The following PAM variants were observed in gnomAD, a reference collection of about 807,000 sequenced individuals.
PAM encodes peptidylglycine alpha-amidating monooxygenase, also known as peptidyl-glycine alpha-amidating monooxygenase.
In PAM, 72 loss-of-function variants were observed where a neutral mutation model predicts 122.1. The ratio of observed to expected loss-of-function variants is 0.59; its 90% CI spans 0.49 to 0.72. The LOEUF (loss-of-function observed/expected upper bound fraction) is 0.72. Among genes scored for constraint, PAM ranks in the 30% least tolerant of loss-of-function variants. PAM has a pLI of 0.00. For missense variants in PAM, 1,106 were observed against 1,183.7 expected (o/e 0.93, Z 0.96); for synonymous variants, 389 against 404.4 (o/e 0.96, Z 0.46).
chr5:102,862,660 T>G (rs1784495636), intron 1 of PAM, among the ~76,000 whole-genome samples: 1 of 152,206 alleles, frequency 6.6e-6, no homozygotes. Context: ...CAATATATAT[T>G]TGTTGCAACA....
intron 3 of PAM, among the ~76,000 whole-genome samples, chr5:102,872,174 A>C (rs1238391751): frequency 6.6e-6 from 1 of 152,128 alleles, no homozygotes; most frequent in African/African-American, 2.4e-5. Flanking sequence ...TTTGTCTTTT[A>C]AAGGACTCTT....
At chr5:102,842,946 A>T (rs1303072409) in intron 1 of PAM, among the ~76,000 whole-genome samples, 1 of 152,202 alleles carries the variant, frequency 6.6e-6, no homozygotes, top group African/African-American at 2.4e-5. Context: ...CACCATCAGG[A>T]ACTATTCCAA....
At chr5:103,027,972 A>G (rs1785455428) in intron 24 of PAM, among the ~76,000 whole-genome samples, 1 of 152,202 alleles carries the variant, frequency 6.6e-6, no homozygotes, top group Non-Finnish European at 1.5e-5. Context: ...CTGCACAGCC[A>G]GTAAGAGACA....
chr5:102,909,285 G>A (rs76728332), intron 4 of PAM, among the ~76,000 whole-genome samples: 2,531 of 151,836 alleles, frequency 0.017, 80 homozygotes, highest in African/African-American at 0.057. Context: ...AGGTGATACA[G>A]CTAAACTCAC....
At chr5:102,836,619 T>C (rs1430076440) in intron 1 of PAM, among the ~76,000 whole-genome samples, 1 of 152,156 alleles carries the variant, frequency 6.6e-6, no homozygotes, top group East Asian at 1.9e-4. Flanking sequence ...CAGGAGTTTA[T>C]GGTTCTCTGT....
At chr5:102,993,898 C>T (rs568926441) in intron 16 of PAM, among the ~76,000 whole-genome samples, 1 of 152,082 alleles carries the variant, frequency 6.6e-6, no homozygotes, top group Admixed American at 6.6e-5. Context: ...TCTCATTGCA[C>T]GTTAAACCAG....
At chr5:102,787,136 A>G (rs1224562336) in intron 1 of PAM, among the ~76,000 whole-genome samples, 1 of 152,158 alleles carries the variant, frequency 6.6e-6, no homozygotes, top group Admixed American at 6.5e-5. Context: ...GAAATGCTTC[A>G]TCCTTAGCAT....
At chr5:102,814,208 T>A (rs1192064680) in intron 1 of PAM, among the ~76,000 whole-genome samples, 1 of 152,160 alleles carries the variant, frequency 6.6e-6, no homozygotes, top group Non-Finnish European at 1.5e-5. Context: ...TTTAGTAAAT[T>A]CAAACCTTCC....
At chr5:103,023,663 G>C (rs1469944092) in intron 23 of PAM, among the ~76,000 whole-genome samples, 1 of 151,994 alleles carries the variant, frequency 6.6e-6, no homozygotes, top group African/African-American at 2.4e-5. Context: ...AGTCACTTGA[G>C]TGGACAAAAG....
intron 1 of PAM, among the ~76,000 whole-genome samples, chr5:102,769,149 T>C (rs893982236): frequency 2.0e-5 from 3 of 152,204 alleles, no homozygotes; most frequent in Admixed American, 6.5e-5. Context: ...GTATGTCTTT[T>C]TTGAGAAATG....
chr5:102,977,905 G>A (rs1193807331), intron 15 of PAM, among the ~76,000 whole-genome samples: 2 of 152,086 alleles, frequency 1.3e-5, no homozygotes, highest in African/African-American at 4.8e-5. Context: ...TCTATAAAAT[G>A]AGATTATAAT....
chr5:102,986,076 A>G (rs1261273381), intron 15 of PAM, among the ~76,000 whole-genome samples: 5 of 152,318 alleles, frequency 3.3e-5, no homozygotes, highest in Admixed American at 3.3e-4. Context: ...GCCTAGAAGG[A>G]ATATACTTCT....
intron 1 of PAM, among the ~76,000 whole-genome samples, chr5:102,834,171 T>C (rs560088227): frequency 6.6e-6 from 1 of 152,284 alleles, no homozygotes; most frequent in Admixed American, 6.5e-5. Context: ...TATTTTGTTT[T>C]GTGATGATTT....
chr5:102,873,888 A>G (rs1396204953), intron 3 of PAM: 2 of 152,172 alleles, frequency 1.3e-5, no homozygotes, highest in Non-Finnish European at 2.9e-5. Context: ...TTCAGAGAAA[A>G]TAAAACTAGC....
intron 7 of PAM, among the ~76,000 whole-genome samples, chr5:102,942,750 T>G (rs1175628836): frequency 2.6e-5 from 4 of 151,498 alleles, no homozygotes; most frequent in African/African-American, 9.7e-5. Flanking sequence ...TTTTTTTTTT[T>G]TGTAGAAATG....
intron 1 of PAM, among the ~76,000 whole-genome samples, chr5:102,757,093 C>T (rs1750619278): frequency 6.6e-6 from 1 of 152,056 alleles, no homozygotes; most frequent in African/African-American, 2.4e-5. Context: ...TTTGGGAGGC[C>T]GAGGCGGGCA....
intron 4 of PAM, among the ~76,000 whole-genome samples, chr5:102,913,047 A>G (rs888878610): frequency 6.6e-6 from 1 of 152,002 alleles, no homozygotes; most frequent in African/African-American, 2.4e-5. Flanking sequence ...CAAACAGACC[A>G]AAATAGCTGA....
At chr5:102,822,755 T>C (rs986432209) in intron 1 of PAM, among the ~76,000 whole-genome samples, 5 of 151,988 alleles carry the variant, frequency 3.3e-5, no homozygotes, top group African/African-American at 1.2e-4. Flanking sequence ...GAAAGAGCAA[T>C]TAAACCAAAT....
intron 3 of PAM, among the ~76,000 whole-genome samples, chr5:102,880,145 G>A (rs1197471003): frequency 6.6e-6 from 1 of 152,104 alleles, no homozygotes; most frequent in African/African-American, 2.4e-5. Flanking sequence ...GCTGGGCATG[G>A]TGGTGTATGC....
Sources: allele counts gnomAD v4.1 joint callset (sites outside exome capture counted in the v4.1 genomes callset), GRCh38; gene constraint gnomAD v4.1.1; transcripts MANE v1.5; gene names NCBI Gene and HGNC (gene_info 2026-07-23, HGNC 2026-07-21).